ASIC2: variants seen among roughly 807,000 people sequenced by gnomAD.
ASIC2 encodes the protein acid sensing ion channel subunit 2, also known as acid-sensing ion channel 2.
Under a neutral mutation model 57.3 loss-of-function variants are expected in ASIC2, and 25 were observed. That is an observed-to-expected ratio of 0.44 (90% CI 0.32 to 0.61). The LOEUF (loss-of-function observed/expected upper bound fraction) is 0.61, where lower values mean the gene tolerates loss of function less well. Ranked by LOEUF, ASIC2 falls within the 20% of genes least tolerant of loss-of-function variation. The probability of loss-of-function intolerance (pLI) is 0.06; values close to 1 mark genes in which losing one functional copy is unlikely to be tolerated. For missense variants in ASIC2, 641 were observed against 738.1 expected (o/e 0.87, Z 1.52); for synonymous variants, 319 against 307.5 (o/e 1.04, Z -0.39).
At chr17:34,101,837 T>G (rs980865178) in intron 1 of ASIC2, among the ~76,000 whole-genome samples, 1 of 151,726 alleles carries the variant, frequency 6.6e-6, no homozygotes, top group Admixed American at 6.6e-5. Context: ...GTAAACAGAA[T>G]AGTCTAATCA....
chr17:33,290,940 G>A lies in ASIC2; in HGVS notation c.708+468C>T, dbSNP rs374624468. The A allele has an allele frequency of 1.5e-3, 235 of 151,984 alleles. 10 individuals carry two copies. In the South Asian group the frequency reaches 0.041, roughly 26 times the overall value. 9.4% of individuals were successfully genotyped at this position (151,984 alleles called of 1,614,324 possible). On this transcript the variant is annotated intron_variant, in intron 1 of 9. Transcript: ENST00000225823. Reference sequence around the variant, plus strand: ...AGGGACTCTGCGTGATTCCCCTGATGATCCATTTTTCAAGCGCTTCCTTTT... The same window carrying A: ...AGGGACTCTGCGTGATTCCCCTGATAATCCATTTTTCAAGCGCTTCCTTTT...
chr17:33,444,948 A>G (rs1393694163), intron 1 of ASIC2, among the ~76,000 whole-genome samples: 1 of 152,232 alleles, frequency 6.6e-6, no homozygotes, highest in Non-Finnish European at 1.5e-5. Context: ...ATTTGTTTAC[A>G]TACTTCTATG....
At chr17:33,932,226 C>T (rs1315925982) in intron 1 of ASIC2, among the ~76,000 whole-genome samples, 3 of 152,188 alleles carry the variant, frequency 2.0e-5, no homozygotes, top group Admixed American at 2.0e-4. Context: ...AATGCAGTAT[C>T]CACTGGCCAC....
chr17:33,242,184 G>A (rs1474041849), intron 1 of ASIC2, among the ~76,000 whole-genome samples: 3 of 152,028 alleles, frequency 2.0e-5, no homozygotes, highest in Admixed American at 2.0e-4. Flanking sequence ...AGGCATGGTG[G>A]TGGGCGCCTG....
intron 1 of ASIC2, among the ~76,000 whole-genome samples, chr17:33,994,377 G>A (rs1345091103): frequency 6.6e-6 from 1 of 152,176 alleles, no homozygotes; most frequent in Admixed American, 6.5e-5. Context: ...ACACGGCACG[G>A]TGTCACTTGG....
intron 1 of ASIC2, among the ~76,000 whole-genome samples, chr17:33,938,798 C>T (rs1916122896): frequency 6.6e-6 from 1 of 152,222 alleles, no homozygotes. Flanking sequence ...CAGCTAGAGG[C>T]CTCCTGCATG....
At chr17:33,678,447 AC>A (rs1188666283) in intron 1 of ASIC2, among the ~76,000 whole-genome samples, 1 of 143,316 alleles carries the variant, frequency 7.0e-6, no homozygotes. Flanking sequence ...ACACACACAC[AC>A]ACACACACAC....
chr17:33,451,561 C>T (rs376505403), intron 1 of ASIC2, among the ~76,000 whole-genome samples: 9 of 152,242 alleles, frequency 5.9e-5, no homozygotes, highest in African/African-American at 1.4e-4. Flanking sequence ...TTCCTCTTCC[C>T]GTGACACAAA....
chr17:33,767,291 A>G (rs983942059), intron 1 of ASIC2, among the ~76,000 whole-genome samples: 4 of 152,228 alleles, frequency 2.6e-5, no homozygotes, highest in African/African-American at 9.6e-5. Context: ...TGTGCGCTGC[A>G]GAGTTCATGT....
At chr17:33,093,560 T>C (rs2092166007) in intron 2 of ASIC2, among the ~76,000 whole-genome samples, 1 of 152,098 alleles carries the variant, frequency 6.6e-6, no homozygotes, top group Non-Finnish European at 1.5e-5. Context: ...ACATGAAAGA[T>C]AATGCTGAAC....
chr17:33,826,204 C>T (rs1457093866), intron 1 of ASIC2, among the ~76,000 whole-genome samples: 1 of 152,218 alleles, frequency 6.6e-6, no homozygotes, highest in Non-Finnish European at 1.5e-5. Context: ...GTTCACTCCT[C>T]AGAGGAAGAA....
chr17:33,233,012 A>C (rs1908167517), intron 1 of ASIC2, among the ~76,000 whole-genome samples: 1 of 151,650 alleles, frequency 6.6e-6, no homozygotes, highest in Non-Finnish European at 1.5e-5. Flanking sequence ...GAAGTGGGGG[A>C]AGGGGGCTTT....
chr17:33,434,578 A>C (rs1911539340), intron 1 of ASIC2, among the ~76,000 whole-genome samples: 1 of 152,246 alleles, frequency 6.6e-6, no homozygotes, highest in Admixed American at 6.5e-5. Flanking sequence ...AAGAAAGAAA[A>C]TACAATGCAA....
intron 1 of ASIC2, among the ~76,000 whole-genome samples, chr17:33,626,079 C>G (rs1905974088): frequency 6.6e-6 from 1 of 152,192 alleles, no homozygotes; most frequent in Non-Finnish European, 1.5e-5. Context: ...TCATTAGCAA[C>G]TCACATTATC....
intron 1 of ASIC2, among the ~76,000 whole-genome samples, chr17:33,523,454 T>A (rs941635923): frequency 6.6e-6 from 1 of 152,118 alleles, no homozygotes; most frequent in Non-Finnish European, 1.5e-5. Context: ...AGATGGAGTT[T>A]CACCATATTG....
intron 1 of ASIC2, among the ~76,000 whole-genome samples, chr17:33,235,599 C>T (rs1908265723): frequency 6.6e-6 from 1 of 152,226 alleles, no homozygotes; most frequent in South Asian, 2.1e-4. Flanking sequence ...CAGATACCAG[C>T]CGGGCTTCTC....
chr17:33,350,021 C>A (rs1908097266), intron 1 of ASIC2, among the ~76,000 whole-genome samples: 2 of 152,198 alleles, frequency 1.3e-5, no homozygotes, highest in African/African-American at 2.4e-5. Flanking sequence ...AACTCTCAGT[C>A]TTCCTTGTGG....
chr17:33,756,007 G>A (rs190324936), intron 1 of ASIC2, among the ~76,000 whole-genome samples: 71 of 152,332 alleles, frequency 4.7e-4, no homozygotes, highest in African/African-American at 1.7e-3. Flanking sequence ...CTTGCTAAGC[G>A]CATGTGTGCA....
At chr17:33,054,862 G>C (rs950749412) in intron 3 of ASIC2, among the ~76,000 whole-genome samples, 1 of 152,178 alleles carries the variant, frequency 6.6e-6, no homozygotes, top group Admixed American at 6.5e-5. Context: ...CTTGTTACAC[G>C]GTTGCTTTTA....
Sources: gnomAD v4.1 joint callset for allele counts (sites outside exome capture counted in the v4.1 genomes callset) on GRCh38, gnomAD v4.1.1 for gene constraint, MANE v1.5 for transcripts, NCBI Gene and HGNC (gene_info 2026-07-23, HGNC 2026-07-21) for gene names.